Variants in ARHGAP36 observed in about 807,000 individuals in gnomAD.
ARHGAP36 encodes the protein Rho GTPase activating protein 36.
In ARHGAP36, 7 loss-of-function variants were observed where a neutral mutation model predicts 32.9. The ratio of observed to expected loss-of-function variants is 0.21; its 90% CI spans 0.12 to 0.40. The LOEUF is 0.40. ARHGAP36 is among the 10% of genes least tolerant of loss of function. The pLI is 1.00. For synonymous variants in ARHGAP36, 165 were observed against 168.3 expected, an observed-to-expected ratio of 0.98 and a Z score of 0.15; for missense variants, 383 against 442.2, an observed-to-expected ratio of 0.87 and a Z score of 1.20.
At chrX:131,078,695 G>A in intron 1 of ARHGAP36, 3 of 973,088 alleles carry the variant, frequency 3.1e-6, no homozygotes, top group South Asian at 2.1e-5. Flanking sequence ...GGGGACATTG[G>A]TCTTCCTAAA....
chrX:131,071,531 C>A (rs1194738820), intron 1 of ARHGAP36, among the ~76,000 whole-genome samples: 2 of 111,680 alleles, frequency 1.8e-5, no homozygotes, highest in Non-Finnish European at 1.9e-5. Flanking sequence ...CTGCTTAGAG[C>A]CAGACGCTCT....
At chrX:131,062,303 G>C (rs914950427) in intron 1 of ARHGAP36, among the ~76,000 whole-genome samples, 13 of 112,200 alleles carry the variant, frequency 1.2e-4, no homozygotes, top group Non-Finnish European at 7.5e-5. Context: ...GTTTTCTAAA[G>C]TCTATGAAGT....
intron 1 of ARHGAP36, among the ~76,000 whole-genome samples, chrX:131,074,769 T>A (rs1207230312): frequency 1.8e-5 from 2 of 111,677 alleles, no homozygotes; most frequent in Non-Finnish European, 3.8e-5. Flanking sequence ...GGCTTTCTAC[T>A]CCAGGTAGCT....
chrX:131,087,287 T>C (rs2079840546), intron 11 of ARHGAP36, among the ~76,000 whole-genome samples: 1 of 111,871 alleles, frequency 8.9e-6, no homozygotes, highest in Admixed American at 9.4e-5. Context: ...GTCCCAGCTG[T>C]TGATGAAGTT....
rs1191887756 is a variant in ARHGAP36 at position 131,083,878 on chromosome X, T to C, written c.464T>C (p.Val155Ala). The C allele has an allele frequency of 8.3e-7, 1 of 1,210,651 alleles. No homozygotes were observed. Among genetic ancestry groups the C allele is most frequent in the Non-Finnish European group, 1.1e-6 (1 of 895,378 alleles). The change falls in exon 4 of 12, where the codon GTG (valine) becomes GCG (alanine). Residue 155 changes from valine to alanine, a missense_variant. This residue lies in a region of ARHGAP36 where 156 missense variants were observed against 131.0 expected (regional missense o/e 1.19). Coordinates refer to ENST00000276211, the MANE Select transcript of ARHGAP36 (RefSeq NM_144967.4). ...QAAGRRRGNV[V>A]RRVFGRIRRF... ...GCGGGCCGTCGTCGGGGAAACGTGGTGCGAAGGGTGTTTGGCCGCATCCGG... is the reference window on the plus strand; with the variant it reads ...GCGGGCCGTCGTCGGGGAAACGTGGCGCGAAGGGTGTTTGGCCGCATCCGG...
At position 131,078,725 on chromosome X, in the gene ARHGAP36, C is replaced by G. The variant is rs981254338; in HGVS notation, c.-142-2799C>G. 15 of 980,356 alleles carry G rather than the reference C, an allele frequency of 1.5e-5. No individual in the cohort carries two copies. The African/African-American group carries it at 2.8e-4, about 18-fold the overall frequency. 80.8% of individuals were successfully genotyped at this position (980,356 alleles called of 1,213,427 possible). A position where few individuals can be genotyped will look rare whatever the true frequency, so the allele number is the denominator to read the frequency against. On this transcript the variant is annotated intron_variant, in intron 1 of 11. Coordinates refer to ENST00000276211, the MANE Select transcript of ARHGAP36 (RefSeq NM_144967.4). ...CCTAAATCTGCTTCTGTATTGTATG[C>G]TACTGGCACCTTGAGAAGGTTGAAA...
intron 1 of ARHGAP36, among the ~76,000 whole-genome samples, chrX:131,062,333 A>T (rs2079674260): frequency 8.9e-6 from 1 of 112,369 alleles, no homozygotes; most frequent in Non-Finnish European, 1.9e-5. Context: ...AATTACTGTT[A>T]TAATTTAAAA....
chrX:131,074,256 C>A (rs1050964372), intron 1 of ARHGAP36, among the ~76,000 whole-genome samples: 2 of 111,640 alleles, frequency 1.8e-5, no homozygotes, highest in Non-Finnish European at 3.8e-5. Flanking sequence ...ATATTGATGA[C>A]CCTTCTTTTA....
intron 4 of ARHGAP36, 28 bp from the exon 5 acceptor site, chrX:131,084,187 T>C (rs757307582): frequency 3.4e-6 from 4 of 1,176,791 alleles, no homozygotes; most frequent in Non-Finnish European, 4.6e-6. Flanking sequence ...TTATTTCCCA[T>C]TTTAAGATAA....
intron 1 of ARHGAP36, among the ~76,000 whole-genome samples, chrX:131,075,408 T>TA (rs2079755990): frequency 9.0e-6 from 1 of 110,729 alleles, no homozygotes; most frequent in Non-Finnish European, 1.9e-5. Flanking sequence ...CTTGCCAGGA[T>TA]ACCATGCTGT....
chrX:131,086,789 AAGATGAAGAG>A, intron 11 of ARHGAP36, 124 bp downstream of exon 11: 2 of 512,971 alleles, frequency 3.9e-6, no homozygotes, highest in East Asian at 3.6e-5. Context: ...TCCTCTGAGG[AAGATGAAGAG>A]CTAGTATTTG....
rs141029766 is a variant in ARHGAP36 at position 131,072,499 on chromosome X, G to T, written c.-142-9025G>T. 7.8e-3 allele frequency among the ~76,000 whole-genome samples: 876 copies of T among 112,346 alleles called. 8 individuals carry two copies. The highest frequency in any genetic ancestry group is 0.026 in the African/African-American group (798 of 30,905). On this transcript the variant is annotated intron_variant, in intron 1 of 11. Coordinates refer to ENST00000276211, the MANE Select transcript of ARHGAP36 (RefSeq NM_144967.4). ...GGCAGAAGGGAAGCAAAGTGCTGTGGCAAATTGTGTGCTGAGCTGGGATCC... is the reference window on the plus strand; with the variant it reads ...GGCAGAAGGGAAGCAAAGTGCTGTGTCAAATTGTGTGCTGAGCTGGGATCC...
In ARHGAP36 at chrX:131,081,822, C is replaced by T. The variant is rs1247622488; in HGVS notation, c.157C>T (p.His53Tyr). The T allele has an allele frequency of 1.7e-6, 2 of 1,212,116 alleles. No individual in the cohort carries two copies. The highest frequency in any genetic ancestry group is 2.2e-6 in the Non-Finnish European group (2 of 895,610). ...PDRRTKMVSI[H>Y]SLSELERLKL... ...CCGCAGGACGAAGATGGTATCGATA[C>T]ACAGCCTCTCTGAGCTGGAGCGTCT... Residue 53 changes from histidine to tyrosine, a missense_variant, in exon 2 of 12, where the codon CAC becomes TAC. Transcript: ENST00000276211.
intron 1 of ARHGAP36, among the ~76,000 whole-genome samples, chrX:131,064,046 C>CTATTATTTCTAGAGTG (rs1410060519): frequency 9.0e-6 from 1 of 111,711 alleles, no homozygotes; most frequent in Admixed American, 9.5e-5. Context: ...GTCTTAGGCA[C>CTATTATTTCTAGAGTG]TATTATTTCT....
intron 1 of ARHGAP36, among the ~76,000 whole-genome samples, chrX:131,079,992 TC>T (rs2079786832): frequency 8.9e-6 from 1 of 111,900 alleles, no homozygotes; most frequent in Non-Finnish European, 1.9e-5. Flanking sequence ...TCTACCTACT[TC>T]CAGCTCTCTA....
At chrX:131,080,680 T>C (rs1298497034) in intron 1 of ARHGAP36, among the ~76,000 whole-genome samples, 2 of 112,562 alleles carry the variant, frequency 1.8e-5, no homozygotes, top group Admixed American at 1.9e-4. Context: ...TCCACTTTGA[T>C]ACCAATTCTG....
chrX:131,079,712 A>G (rs1413036148), intron 1 of ARHGAP36, among the ~76,000 whole-genome samples: 1 of 110,536 alleles, frequency 9.0e-6, no homozygotes, highest in Non-Finnish European at 1.9e-5. Context: ...GTTATTGTAG[A>G]TTCCATGGGA....
chrX:131,069,177 A>C (rs1477262579), intron 1 of ARHGAP36, among the ~76,000 whole-genome samples: 1 of 112,435 alleles, frequency 8.9e-6, no homozygotes, highest in Non-Finnish European at 1.9e-5. Flanking sequence ...TAAGCGGACT[A>C]TGCGAGTGGT....
intron 11 of ARHGAP36, among the ~76,000 whole-genome samples, chrX:131,088,364 C>A (rs1209619854): frequency 8.9e-6 from 1 of 112,138 alleles, no homozygotes; most frequent in African/African-American, 3.2e-5. Context: ...TGTCCATTCC[C>A]TCTGAGCGCA....
Sources: gnomAD v4.1 joint callset for allele counts (sites outside exome capture counted in the v4.1 genomes callset) on GRCh38, gnomAD v4.1.1 for gene constraint, gnomAD v4.1.1 regional missense constraint, MANE v1.5 for transcripts, NCBI Gene and HGNC (gene_info 2026-07-23, HGNC 2026-07-21) for gene names.